Variants in ZNF407 observed in about 807,000 individuals in gnomAD.
The protein encoded by ZNF407 is zinc finger protein 407.
In ZNF407, 17 loss-of-function variants were observed where a neutral mutation model predicts 131.2. That is an observed-to-expected ratio of 0.13 (90% CI 0.09 to 0.19). The LOEUF (loss-of-function observed/expected upper bound fraction) is 0.19, where lower values mean the gene tolerates loss of function less well. ZNF407 is among the 10% of genes least tolerant of loss of function. ZNF407 has a pLI of 1.00. For missense variants in ZNF407, 2,681 were observed against 2,830.6 expected (o/e 0.95, Z 1.20); for synonymous variants, 1,156 against 1,062.0 (o/e 1.09, Z -1.72).
At chr18:75,039,863 A>G (rs1387650884) in intron 8 of ZNF407, among the ~76,000 whole-genome samples, 1 of 151,160 alleles carries the variant, frequency 6.6e-6, no homozygotes, top group Non-Finnish European at 1.5e-5. Context: ...ATTTCCCTAG[A>G]GAATTTTTTT....
intron 8 of ZNF407, among the ~76,000 whole-genome samples, chr18:74,921,982 G>A (rs1482102434): frequency 6.6e-6 from 1 of 152,110 alleles, no homozygotes; most frequent in East Asian, 1.9e-4. Flanking sequence ...CATATTTCTC[G>A]ATTGATGTTC....
chr18:74,727,526 G>A (rs1486990051), intron 3 of ZNF407, among the ~76,000 whole-genome samples: 1 of 152,212 alleles, frequency 6.6e-6, no homozygotes, highest in Non-Finnish European at 1.5e-5. Flanking sequence ...TTCTCTGGCA[G>A]CACAGGTGCG....
intron 7 of ZNF407, among the ~76,000 whole-genome samples, chr18:74,897,524 GA>G (rs948915596): frequency 6.6e-6 from 1 of 152,196 alleles, no homozygotes; most frequent in African/African-American, 2.4e-5. Flanking sequence ...TATCTTTGGG[GA>G]TGGTCTTTCT....
intron 3 of ZNF407, among the ~76,000 whole-genome samples, chr18:74,697,696 T>A (rs1345904144): frequency 6.6e-6 from 1 of 152,160 alleles, no homozygotes; most frequent in African/African-American, 2.4e-5. Flanking sequence ...AAAACCTACT[T>A]AATTAAAAAT....
intron 3 of ZNF407, among the ~76,000 whole-genome samples, chr18:74,653,739 A>G (rs1985328642): frequency 6.6e-6 from 1 of 151,884 alleles, no homozygotes; most frequent in Non-Finnish European, 1.5e-5. Context: ...CTTATACATT[A>G]TTTAAAGCAT....
intron 8 of ZNF407, among the ~76,000 whole-genome samples, chr18:74,947,532 C>G (rs1468153558): frequency 2.6e-5 from 4 of 152,190 alleles, no homozygotes; most frequent in Non-Finnish European, 5.9e-5. Flanking sequence ...GTAACGGAAG[C>G]TCAAGTCAGG....
intron 4 of ZNF407, among the ~76,000 whole-genome samples, chr18:74,862,226 G>C (rs1044457365): frequency 6.6e-6 from 1 of 152,168 alleles, no homozygotes; most frequent in Non-Finnish European, 1.5e-5. Context: ...GGAAACCTAG[G>C]TCCTAGAGCA....
intron 4 of ZNF407, among the ~76,000 whole-genome samples, chr18:74,819,768 A>G (rs1294717200): frequency 3.9e-5 from 6 of 151,988 alleles, no homozygotes; most frequent in Non-Finnish European, 2.9e-5. Flanking sequence ...TTGCCTCTGA[A>G]TCTCCCTGCT....
rs2144631715 is a variant in ZNF407 at position 74,617,082 on chromosome 18, C to A, written c.-53-13885C>A. 1.6e-5 allele frequency among the ~76,000 whole-genome samples: 2 copies of A among 124,034 alleles called. 1 individual carries two copies. The highest frequency in any genetic ancestry group is 3.4e-5 in the Non-Finnish European group (2 of 59,294). The allele number at this position is 124,034 out of a possible 152,430, so 81.4% of individuals were successfully genotyped here. On this transcript the variant is annotated intron_variant, in intron 1 of 8. Transcript: ENST00000299687. ...ACACACATCCATATCCACACACATC[C>A]ATATCCATGCACCAACACATCCATA... is the stretch of plus-strand genomic sequence containing the variant.
At chr18:74,689,695 C>T (rs1434436488) in intron 3 of ZNF407, among the ~76,000 whole-genome samples, 1 of 152,170 alleles carries the variant, frequency 6.6e-6, no homozygotes, top group Non-Finnish European at 1.5e-5. Flanking sequence ...ATTTCCTTTC[C>T]ACTGGCTTGC....
chr18:74,889,318 A>G (rs560790245), intron 6 of ZNF407, among the ~76,000 whole-genome samples: 77 of 152,204 alleles, frequency 5.1e-4, no homozygotes, highest in African/African-American at 1.8e-3. Context: ...CTGTCTGTCT[A>G]TGTATCTATC....
At chr18:74,777,573 A>C (rs1364547564) in intron 3 of ZNF407, among the ~76,000 whole-genome samples, 1 of 152,114 alleles carries the variant, frequency 6.6e-6, no homozygotes, top group Non-Finnish European at 1.5e-5. Context: ...CATTTCTTTG[A>C]TTTCTCTTTC....
chr18:74,616,649 G>A (rs1423570557), intron 1 of ZNF407, among the ~76,000 whole-genome samples: 4 of 151,614 alleles, frequency 2.6e-5, no homozygotes, highest in Non-Finnish European at 4.4e-5. Flanking sequence ...TAGGACACCT[G>A]TATAACCTTC....
intron 4 of ZNF407, among the ~76,000 whole-genome samples, chr18:74,862,556 T>C (rs1970952087): frequency 6.6e-6 from 1 of 152,238 alleles, no homozygotes; most frequent in Non-Finnish European, 1.5e-5. Context: ...AGTACCAAGA[T>C]ATAAAATGCA....
chr18:74,932,468 G>T (rs1322557644), intron 8 of ZNF407, among the ~76,000 whole-genome samples: 1 of 152,022 alleles, frequency 6.6e-6, no homozygotes, highest in African/African-American at 2.4e-5. Context: ...CCTCAGCTTC[G>T]TGTGTCCATC....
In ZNF407 at chr18:74,631,811, T is replaced by G. The variant is rs745863286; in HGVS notation, c.792T>G (p.Leu264=). 1.2e-6 allele frequency: 2 copies of G among 1,614,060 alleles called. No individual in the cohort carries two copies. Among genetic ancestry groups the G allele is most frequent in the Non-Finnish European group, 8.5e-7 (1 of 1,179,906 alleles). ...AAAACTTGTTGAATGCACATTATCT[T>G]GGCAAAACACATCTCCGTCGTCAGA... The part of the protein sequence containing the change: ...SEENLLNAHY[L]GKTHLRRQNL... The change falls in exon 2 of 9, where the codon CTT becomes CTG. Residue 264 remains leucine (L), a synonymous_variant. Coordinates refer to ENST00000299687, the MANE Select transcript of ZNF407 (RefSeq NM_017757.3).
chr18:74,717,699 G>A (rs1967928286), intron 3 of ZNF407, among the ~76,000 whole-genome samples: 1 of 152,184 alleles, frequency 6.6e-6, no homozygotes, highest in Non-Finnish European at 1.5e-5. Context: ...GCTTATATAA[G>A]TTGAATGTCC....
chr18:75,043,007 T>C (rs1973391658), intron 8 of ZNF407, among the ~76,000 whole-genome samples: 1 of 152,204 alleles, frequency 6.6e-6, no homozygotes, highest in African/African-American at 2.4e-5. Flanking sequence ...TGTCAATGTT[T>C]GGCAACAGGT....
At chr18:74,616,413 T>C (rs1983290575) in intron 1 of ZNF407, among the ~76,000 whole-genome samples, 1 of 152,164 alleles carries the variant, frequency 6.6e-6, no homozygotes, top group Admixed American at 6.5e-5. Flanking sequence ...GTAAAGGTTT[T>C]GTCAGGTCTA....
Sources: gnomAD v4.1 joint callset for allele counts (sites outside exome capture counted in the v4.1 genomes callset) on GRCh38, gnomAD v4.1.1 for gene constraint, MANE v1.5 for transcripts, NCBI Gene and HGNC (gene_info 2026-07-23, HGNC 2026-07-21) for gene names.